The following CADM1 variants were observed in gnomAD, a reference collection of about 807,000 sequenced individuals.
CADM1 encodes the protein cell adhesion molecule 1.
CADM1 carries 15 observed loss-of-function variants against 53.1 expected under a neutral mutation model. The ratio of observed to expected loss-of-function variants is 0.28; its 90% CI spans 0.19 to 0.44. CADM1 has a LOEUF of 0.44. Among genes scored for constraint, CADM1 ranks in the 20% least tolerant of loss-of-function variants. The probability of loss-of-function intolerance (pLI) is 1.00; values close to 1 mark genes in which losing one functional copy is unlikely to be tolerated. For synonymous variants in CADM1, 281 were observed against 243.0 expected (o/e 1.16, Z -1.45); for missense variants, 434 against 611.3 (o/e 0.71, Z 3.06).
At position 115,169,566 on chromosome 11, in the gene CADM1, T is replaced by C. The variant is rs1288512864; in HGVS notation, c.*6908A>G. The C allele has an allele frequency of 6.6e-6, 3 of 456,186 alleles. No individual in the cohort carries two copies. The highest frequency in any genetic ancestry group is 1.3e-5 in the Non-Finnish European group (3 of 226,874). The allele number at this position is 456,186 out of a possible 1,614,324, so 28.3% of individuals were successfully genotyped here. A position where few individuals can be genotyped will look rare whatever the true frequency, so the allele number is the denominator to read the frequency against. ...AACGATAAAAGATTCATGTTCCTAATTGCAACACTATAGCTGCCCTCATCA... is the reference window on the plus strand; with the variant it reads ...AACGATAAAAGATTCATGTTCCTAACTGCAACACTATAGCTGCCCTCATCA... On this transcript the variant is annotated 3_prime_UTR_variant, in exon 12 of 12. Coordinates refer to ENST00000331581, the MANE Select transcript of CADM1 (RefSeq NM_001301043.2).
Position 115,301,290 on chromosome 11 carries a change from T to C in CADM1, c.125-60870A>G, listed in dbSNP as rs796260435. Among the ~76,000 whole-genome samples the C allele has an allele frequency of 9.5e-4, 144 of 152,172 alleles. 2 individuals carry two copies. The highest frequency in any genetic ancestry group is 3.4e-3 in the African/African-American group (142 of 41,540). On this transcript the variant is annotated intron_variant, in intron 1 of 11. Transcript: ENST00000331581. ...GCCATGGCAAATGAAAAAGCCCAGC[T>C]TCACTTTCTATGTGTATGACACAGC...
In CADM1 at chr11:115,239,901, T is replaced by C. The variant is rs540673254; in HGVS notation, c.271+373A>G. Among the ~76,000 whole-genome samples the C allele has an allele frequency of 1.8e-4, 28 of 152,300 alleles. 2 individuals carry two copies. The South Asian group carries it at 3.5e-3, about 19-fold the overall frequency. On this transcript the variant is annotated intron_variant, in intron 2 of 11. Transcript: ENST00000331581. ...GAGAGAAGACTTGGTTTTATGCTTA[T>C]AGGCATTTATTGCCTTGGAAACTTC...
chr11:115,305,149 C>T (rs1944331188), intron 1 of CADM1, among the ~76,000 whole-genome samples: 1 of 151,850 alleles, frequency 6.6e-6, no homozygotes, highest in Admixed American at 6.6e-5. Context: ...AAATCCAAAT[C>T]ACCCGGAGCC....
At chr11:115,321,532 C>T (rs754638067) in intron 1 of CADM1, among the ~76,000 whole-genome samples, 101 of 152,068 alleles carry the variant, frequency 6.6e-4, no homozygotes, top group Non-Finnish European at 8.4e-4. Context: ...CCAGATTACA[C>T]GAAAGAATAC....
At chr11:115,370,912 G>T (rs1242179402) in intron 1 of CADM1, among the ~76,000 whole-genome samples, 1 of 152,120 alleles carries the variant, frequency 6.6e-6, no homozygotes, top group East Asian at 1.9e-4. Context: ...AACTAACGAA[G>T]ACTTCCATTT....
intron 1 of CADM1, among the ~76,000 whole-genome samples, chr11:115,249,667 C>A (rs1226708477): frequency 6.6e-6 from 1 of 152,098 alleles, no homozygotes; most frequent in Non-Finnish European, 1.5e-5. Context: ...TCTCTTTTAC[C>A]CCAGAAGAGA....
At chr11:115,266,188 ACC>A (rs1943131193) in intron 1 of CADM1, among the ~76,000 whole-genome samples, 2 of 152,246 alleles carry the variant, frequency 1.3e-5, no homozygotes, top group African/African-American at 4.8e-5. Context: ...GCTGGACTGC[ACC>A]AGTTATTCCA....
chr11:115,499,259 A>T (rs1949683837), intron 1 of CADM1, among the ~76,000 whole-genome samples: 1 of 152,196 alleles, frequency 6.6e-6, no homozygotes, highest in African/African-American at 2.4e-5. Flanking sequence ...ATCCTTGAAA[A>T]GACAAATAAA....
In CADM1 at chr11:115,323,814, C is replaced by T. The variant is rs77830105; in HGVS notation, c.125-83394G>A. On this transcript the variant is annotated intron_variant, in intron 1 of 11. Coordinates refer to ENST00000331581, the MANE Select transcript of CADM1 (RefSeq NM_001301043.2). The stretch of plus-strand genomic sequence containing the variant: ...GGAGGAAAAGGAGAACAAAACAAAA[C>T]GTAAATATTCTGAAGGAGGATTCAT... Among the ~76,000 whole-genome samples the T allele has an allele frequency of 9.5e-3, 1,441 of 151,162 alleles. 14 individuals are homozygous for T. The highest frequency in any genetic ancestry group is 0.015 in the Non-Finnish European group (1,010 of 67,866).
intron 1 of CADM1, among the ~76,000 whole-genome samples, chr11:115,258,963 A>G (rs1942878914): frequency 6.6e-6 from 1 of 152,166 alleles, no homozygotes; most frequent in Non-Finnish European, 1.5e-5. Context: ...TTTAAAGAAC[A>G]TGAAAAAGAG....
chr11:115,244,056 A>G (rs902421035), intron 1 of CADM1, among the ~76,000 whole-genome samples: 2 of 152,220 alleles, frequency 1.3e-5, no homozygotes, highest in Admixed American at 1.3e-4. Context: ...TATATTCCCT[A>G]TAACTCCCCG....
rs574999921 is a variant in CADM1, at chr11:115,191,817, C to T, written c.1112-876G>A. 1.7e-4 allele frequency among the ~76,000 whole-genome samples: 26 copies of T among 152,322 alleles called. No individual in the cohort carries two copies. The South Asian group carries it at 5.2e-3, about 30-fold the overall frequency. ...GTGGCTTTACTTGTTCTTTGCTGTT[C>T]TGCTCAAAGTCCAGTGTGACTAACT... On this transcript the variant is annotated intron_variant, in intron 9 of 11. Coordinates refer to ENST00000331581, the MANE Select transcript of CADM1 (RefSeq NM_001301043.2).
chr11:115,403,894 G>A (rs758112999), intron 1 of CADM1, among the ~76,000 whole-genome samples: 3 of 151,528 alleles, frequency 2.0e-5, no homozygotes, highest in Non-Finnish European at 2.9e-5. Context: ...ATTGTGCCCG[G>A]CCTGAAATTA....
chr11:115,356,977 A>G (rs991071815), intron 1 of CADM1, among the ~76,000 whole-genome samples: 4 of 152,236 alleles, frequency 2.6e-5, no homozygotes, highest in Non-Finnish European at 5.9e-5. Flanking sequence ...TACAATGCAA[A>G]CATTTTTGTA....
intron 1 of CADM1, among the ~76,000 whole-genome samples, chr11:115,307,027 T>G (rs1483417745): frequency 2.6e-5 from 4 of 151,944 alleles, no homozygotes; most frequent in Middle Eastern, 3.2e-3. Flanking sequence ...AGTCAGAATG[T>G]CAAAGAGAGA....
At chr11:115,427,527 TAGATGACAGATA>T (rs1947920843) in intron 1 of CADM1, among the ~76,000 whole-genome samples, 1 of 152,124 alleles carries the variant, frequency 6.6e-6, no homozygotes, top group Admixed American at 6.6e-5. Flanking sequence ...GGATAGATGA[TAGATGACAGATA>T]AGATGATAGA....
chr11:115,238,082 T>C (rs1214307656), intron 3 of CADM1, among the ~76,000 whole-genome samples: 2 of 152,128 alleles, frequency 1.3e-5, no homozygotes, highest in Admixed American at 6.6e-5. Flanking sequence ...AAAACGAGGA[T>C]GTAACTCAGA....
intron 8 of CADM1, among the ~76,000 whole-genome samples, chr11:115,204,897 G>C (rs1940604651): frequency 6.6e-6 from 1 of 152,122 alleles, no homozygotes; most frequent in Admixed American, 6.5e-5. Flanking sequence ...TGGTTTTTGA[G>C]TACTTAGATA....
chr11:115,343,777 A>T (rs1422287163), intron 1 of CADM1, among the ~76,000 whole-genome samples: 2 of 151,936 alleles, frequency 1.3e-5, no homozygotes, highest in Non-Finnish European at 2.9e-5. Context: ...TGAAAATCAC[A>T]AGACCTGAGT....
Sources: gnomAD v4.1 joint callset for allele counts (sites outside exome capture counted in the v4.1 genomes callset) on GRCh38, gnomAD v4.1.1 for gene constraint, MANE v1.5 for transcripts, NCBI Gene and HGNC (gene_info 2026-07-23, HGNC 2026-07-21) for gene names.